The following BPIFC variants were observed in gnomAD, a reference collection of about 807,000 sequenced individuals.
BPIFC encodes the protein BPI fold-containing family C protein.
Under a neutral mutation model 57.6 loss-of-function variants are expected in BPIFC, and 60 were observed. That is an observed-to-expected ratio of 1.04 (90% CI 0.85 to 1.29). BPIFC has a LOEUF of 1.29. Ranked by LOEUF, BPIFC falls within the 50% of genes most tolerant of loss-of-function variation. The pLI, the probability that BPIFC is intolerant of heterozygous loss-of-function variation, is 0.00. For synonymous variants in BPIFC, 243 were observed against 224.5 expected (o/e 1.08, Z -0.74); for missense variants, 581 against 600.5 (o/e 0.97, Z 0.34).
chr22:32,439,492 T>C (rs1395668557), intron 8 of BPIFC, among the ~76,000 whole-genome samples: 3 of 152,216 alleles, frequency 2.0e-5, no homozygotes, highest in Non-Finnish European at 4.4e-5. Context: ...GAAAGTTACC[T>C]GAGCATCATG....
chr22:32,432,120 T>C (rs1934261111), intron 12 of BPIFC, among the ~76,000 whole-genome samples: 1 of 152,100 alleles, frequency 6.6e-6, no homozygotes. Context: ...ACAATTTTTT[T>C]TTTTTTGGAG....
intron 13 of BPIFC, among the ~76,000 whole-genome samples, chr22:32,420,663 GT>G (rs1933821934): frequency 6.6e-6 from 1 of 152,148 alleles, no homozygotes; most frequent in African/African-American, 2.4e-5. Context: ...AATGACTATA[GT>G]TAACAATAAT....
intron 8 of BPIFC, 112 bp from the exon 9 acceptor site, chr22:32,437,963 C>A: frequency 3.3e-6 from 2 of 600,104 alleles, no homozygotes; most frequent in African/African-American, 1.9e-5. Context: ...TTTAAAAGAT[C>A]AATTCCTGCT....
intron 13 of BPIFC, among the ~76,000 whole-genome samples, chr22:32,423,581 T>G (rs867491103): frequency 1.6e-4 from 23 of 139,658 alleles, no homozygotes; most frequent in Non-Finnish European, 3.3e-4. Flanking sequence ...GGTGTGGGTG[T>G]GTGTGTGTGT....
intron 7 of BPIFC, among the ~76,000 whole-genome samples, chr22:32,442,969 C>A (rs745391650): frequency 6.6e-6 from 1 of 152,116 alleles, no homozygotes; most frequent in Non-Finnish European, 1.5e-5. Context: ...TCCAATCAGC[C>A]CTGTAAAGAG....
At chr22:32,432,273 A>G (rs1934267108) in intron 12 of BPIFC, 100 bp downstream of exon 12, 1 of 1,290,380 alleles carries the variant, frequency 7.7e-7, no homozygotes, top group South Asian at 1.4e-5. Context: ...TCAATGTAGC[A>G]TCCCCACCCT....
At chr22:32,445,735 A>AAAAT in intron 6 of BPIFC, 37 bp from the exon 7 acceptor site, 6 of 1,520,376 alleles carry the variant, frequency 3.9e-6, no homozygotes, top group Non-Finnish European at 5.3e-6. Context: ...AAAAAAAAAA[A>AAAAT]GAGGTTACTC....
In BPIFC at chr22:32,457,331, T is replaced by C. The variant is rs755981985; in HGVS notation, c.56A>G (p.Tyr19Cys). 9 of 1,611,050 alleles carry C rather than the reference T, an allele frequency of 5.6e-6. No homozygotes were observed. Among genetic ancestry groups the C allele is most frequent in the Non-Finnish European group, 7.6e-6 (9 of 1,179,172 alleles). ...GTAAATGGTCTGAGAGGATGAGACATAGAGATTCCACAGGAGGAAACATCC... is the reference window on the plus strand; with the variant it reads ...GTAAATGGTCTGAGAGGATGAGACACAGAGATTCCACAGGAGGAAACATCC... ...LWGCFLLWNL[Y>C]VSSSQTIYPG... is the part of the protein sequence containing the mutation. Residue 19 changes from tyrosine to cysteine, a missense_variant, in exon 3 of 17, where the codon TAT (tyrosine) becomes TGT (cysteine). Transcript: ENST00000300399.
intron 7 of BPIFC, among the ~76,000 whole-genome samples, chr22:32,443,187 G>A (rs1388142401): frequency 6.3e-5 from 9 of 141,906 alleles, no homozygotes; most frequent in Admixed American, 2.2e-4. Context: ...TTTTTGAGAC[G>A]AAGTCTCGCT....
At chr22:32,424,642 CTCTTCTTCTTCTTCTTCT>C (rs796330210) in intron 13 of BPIFC, among the ~76,000 whole-genome samples, 3 of 28,752 alleles carry the variant, frequency 1.0e-4, no homozygotes, top group East Asian at 8.6e-4. Flanking sequence ...TCTTCTTCTT[CTCTTCTTCTTCTTCTTCT>C]TCTTCTTCTT....
chr22:32,461,643 G>T lies in BPIFC; in HGVS notation c.-70C>A. 4 of 985,590 alleles carry T rather than the reference G, an allele frequency of 4.1e-6. No individual in the cohort carries two copies. Among genetic ancestry groups the T allele is most frequent in the Non-Finnish European group, 4.8e-6 (4 of 830,066 alleles). The allele number at this position is 985,590 out of a possible 1,614,324, so 61.1% of individuals were successfully genotyped here. ...CTTTCTTGATCCTTTAGTTGCCCTT[G>T]GAGGTTAGTCAAGGTGTCCTGGAAA... On this transcript the variant is annotated 5_prime_UTR_variant, in exon 2 of 17. Coordinates refer to ENST00000300399, the MANE Select transcript of BPIFC (RefSeq NM_174932.3).
intron 10 of BPIFC, among the ~76,000 whole-genome samples, chr22:32,434,285 ACT>A (rs1032955324): frequency 6.8e-6 from 1 of 147,704 alleles, no homozygotes; most frequent in Non-Finnish European, 1.5e-5. Context: ...TATATATTAC[ACT>A]CTATATGTAC....
intron 1 of BPIFC, among the ~76,000 whole-genome samples, chr22:32,463,022 C>T (rs1935197508): frequency 6.6e-6 from 1 of 152,144 alleles, no homozygotes; most frequent in Admixed American, 6.5e-5. Flanking sequence ...GCAGTAAAAC[C>T]TGTTTTCCCT....
At chr22:32,417,485 T>C (rs377322949) in intron 14 of BPIFC, among the ~76,000 whole-genome samples, 3 of 152,240 alleles carry the variant, frequency 2.0e-5, no homozygotes, top group African/African-American at 7.2e-5. Flanking sequence ...TCATGGGTGC[T>C]TCGAAAGTAC....
Position 32,419,365 on chromosome 22 carries a change from A to T in BPIFC, c.1257T>A (p.Ile419=). 6.2e-7 allele frequency: 1 copy of T among 1,613,652 alleles called. No homozygotes were observed. Among genetic ancestry groups the T allele is most frequent in the Non-Finnish European group, 8.5e-7 (1 of 1,179,614 alleles). ...LALPESNRSN[I]EVLRFENILS... is the part of the protein sequence containing the mutation. ...CCCCAAGAGCTCAGATTCCTACCTC[A>T]ATGTTGCTGCGATTGGACTCTGGCA... Residue 419 remains isoleucine, a synonymous_variant, in exon 14 of 17, where the codon ATT becomes ATA. Coordinates refer to ENST00000300399, the MANE Select transcript of BPIFC (RefSeq NM_174932.3).
chr22:32,449,722 G>A (rs1934830468), intron 4 of BPIFC, among the ~76,000 whole-genome samples: 1 of 151,244 alleles, frequency 6.6e-6, no homozygotes, highest in South Asian at 2.1e-4. Context: ...CATACTGCTT[G>A]TGTACATGTA....
At chr22:32,417,179 G>T in intron 14 of BPIFC, 31 bp from the exon 15 acceptor site, 1 of 1,437,422 alleles carries the variant, frequency 7.0e-7, no homozygotes, top group Non-Finnish European at 9.6e-7. Flanking sequence ...GAATCAATTG[G>T]CAGATCGGGC....
At chr22:32,415,786 T>G in intron 16 of BPIFC, 129 bp downstream of exon 16, 1 of 586,000 alleles carries the variant, frequency 1.7e-6, no homozygotes, top group Non-Finnish European at 2.9e-6. Flanking sequence ...TTTATAAGAT[T>G]CCCTGGTCTG....
intron 14 of BPIFC, among the ~76,000 whole-genome samples, chr22:32,417,365 A>G (rs983794432): frequency 1.3e-5 from 2 of 151,928 alleles, no homozygotes; most frequent in Non-Finnish European, 2.9e-5. Context: ...TTTTTTAGGG[A>G]CAGAGTCTCA....
Sources: allele counts gnomAD v4.1 joint callset (sites outside exome capture counted in the v4.1 genomes callset), GRCh38; gene constraint gnomAD v4.1.1; transcripts MANE v1.5; gene names NCBI Gene and HGNC (gene_info 2026-07-23, HGNC 2026-07-21).